The following RHOBTB1 variants were observed in gnomAD, a reference collection of about 807,000 sequenced individuals.
RHOBTB1 encodes rho-related BTB domain-containing protein 1.
Under a neutral mutation model 71.6 loss-of-function variants are expected in RHOBTB1, and 40 were observed. The ratio of observed to expected loss-of-function variants is 0.56; its 90% CI spans 0.43 to 0.73. RHOBTB1 has a LOEUF of 0.73. Ranked by LOEUF, RHOBTB1 falls within the 30% of genes least tolerant of loss-of-function variation. The pLI is 0.00. For missense variants in RHOBTB1, 797 were observed against 894.0 expected (o/e 0.89, Z 1.38); for synonymous variants, 319 against 334.9 (o/e 0.95, Z 0.52).
chr10:60,970,626 G>A lies in RHOBTB1; in HGVS notation c.-62+15219C>T, dbSNP rs555655764. Reference sequence around the variant, plus strand: ...TTTGGACAGTAGCATAATTATTTTCGCATTTATAGTAAGCACAATAGAAAC... The same window carrying A: ...TTTGGACAGTAGCATAATTATTTTCACATTTATAGTAAGCACAATAGAAAC... On this transcript the variant is annotated intron_variant, in intron 2 of 11. Coordinates refer to the RHOBTB1 transcript ENST00000357917. Among the ~76,000 whole-genome samples, 7 of 152,000 alleles carry A rather than the reference G, an allele frequency of 4.6e-5. No individual in the cohort carries two copies. In the East Asian group the frequency reaches 5.8e-4, roughly 13 times the overall value.
At chr10:60,983,810 A>G (rs946836910) in intron 2 of RHOBTB1, among the ~76,000 whole-genome samples, 12 of 152,204 alleles carry the variant, frequency 7.9e-5, no homozygotes, top group Admixed American at 2.0e-4. Context: ...GCTACACAGC[A>G]TGGACCCTGC....
chr10:60,964,894 T>C (rs554877889), intron 2 of RHOBTB1, among the ~76,000 whole-genome samples: 2 of 152,298 alleles, frequency 1.3e-5, no homozygotes, highest in African/African-American at 2.4e-5. Context: ...TAATATCTAA[T>C]GTAATCCTAC....
intron 1 of RHOBTB1, among the ~76,000 whole-genome samples, chr10:60,992,377 A>C (rs1407071138): frequency 6.6e-6 from 1 of 152,224 alleles, no homozygotes. Flanking sequence ...TCGCTACTGT[A>C]TATATTGAAT....
Position 60,875,013 on chromosome 10 carries a change from C to T in RHOBTB1, c.1756G>A (p.Ala586Thr), listed in dbSNP as rs2080980077. Residue 586 changes from alanine (A) to threonine (T), a missense_variant, in exon 9 of 11, where the codon GCC (alanine) becomes ACC (threonine). Coordinates refer to ENST00000337910, the MANE Select transcript of RHOBTB1 (RefSeq NM_014836.5). ...TCAATGCCCACGCCACTCGTGGCGGCTTTGGTCAACTCCTGAACGGCATGC... is the reference window on the plus strand; with the variant it reads ...TCAATGCCCACGCCACTCGTGGCGGTTTTGGTCAACTCCTGAACGGCATGC... The part of the protein sequence containing the change: ...EQHAVQELTK[A>T]ATSGVGIDGE... The T allele has an allele frequency of 6.2e-7, 1 of 1,613,936 alleles. No homozygotes were observed. Among genetic ancestry groups the T allele is most frequent in the Non-Finnish European group, 8.5e-7 (1 of 1,179,940 alleles).
chr10:60,904,911 TA>T (rs2082588358), intron 4 of RHOBTB1, among the ~76,000 whole-genome samples: 1 of 152,216 alleles, frequency 6.6e-6, no homozygotes, highest in Non-Finnish European at 1.5e-5. Context: ...TGAATGTCTT[TA>T]AGACACAACC....
chr10:60,933,834 C>T (rs971231055), intron 2 of RHOBTB1, among the ~76,000 whole-genome samples: 1 of 151,832 alleles, frequency 6.6e-6, no homozygotes, highest in African/African-American at 2.4e-5. Flanking sequence ...TAGGAGTACA[C>T]TCATTGTTAT....
At chr10:60,900,774 A>G (rs2133077215) in intron 4 of RHOBTB1, among the ~76,000 whole-genome samples, 1 of 152,368 alleles carries the variant, frequency 6.6e-6, no homozygotes, top group East Asian at 1.9e-4. Context: ...GAATGAAAAT[A>G]TAATGTGAGC....
chr10:60,904,011 A>G (rs977479732), intron 4 of RHOBTB1, among the ~76,000 whole-genome samples: 10 of 151,278 alleles, frequency 6.6e-5, no homozygotes, highest in Non-Finnish European at 1.2e-4. Context: ...TTCCCAGGCT[A>G]TAGTACAGTT....
chr10:60,960,084 A>G (rs2085727058), intron 2 of RHOBTB1, among the ~76,000 whole-genome samples: 1 of 152,170 alleles, frequency 6.6e-6, no homozygotes, highest in South Asian at 2.1e-4. Context: ...TATCCTGCCT[A>G]TCATCACAGG....
At chr10:60,911,104 A>G in intron 3 of RHOBTB1, 114 bp from the exon 4 acceptor site, 1 of 845,510 alleles carries the variant, frequency 1.2e-6, no homozygotes, top group Non-Finnish European at 1.9e-6. Context: ...AAGTTTCCTT[A>G]TTCTATCTGA....
chr10:60,919,963 A>T (rs1589301451), intron 2 of RHOBTB1, among the ~76,000 whole-genome samples: 1 of 152,206 alleles, frequency 6.6e-6, no homozygotes, highest in South Asian at 2.1e-4. Context: ...CAAAAATTTA[A>T]AAGATGCATG....
At chr10:60,944,837 C>G (rs764500839), upstream of RHOBTB1, among the ~76,000 whole-genome samples, 3 of 152,320 alleles carry the variant, frequency 2.0e-5, no homozygotes, top group African/African-American at 7.2e-5. Context: ...TCCTCCGCGA[C>G]TTGGCGGGAG....
At chr10:60,981,125 A>T (rs1482334184) in intron 2 of RHOBTB1, among the ~76,000 whole-genome samples, 1 of 152,096 alleles carries the variant, frequency 6.6e-6, no homozygotes, top group Non-Finnish European at 1.5e-5. Context: ...TTTTGAAATG[A>T]GTCTAAGATT....
At chr10:60,947,320 T>C (rs569306127), upstream of RHOBTB1, among the ~76,000 whole-genome samples, 1 of 152,324 alleles carries the variant, frequency 6.6e-6, no homozygotes, top group East Asian at 1.9e-4. Flanking sequence ...TAAACACTTT[T>C]CATGTTTCTG....
intron 2 of RHOBTB1, among the ~76,000 whole-genome samples, chr10:60,935,212 A>C (rs1180991909): frequency 6.6e-6 from 1 of 152,228 alleles, no homozygotes; most frequent in African/African-American, 2.4e-5. Context: ...CAAACATAAT[A>C]TTGAAGCCAG....
At chr10:60,861,728 A>C in the RHOBTB1 span, among the ~76,000 whole-genome samples, 1 of 152,204 alleles carries the variant, frequency 6.6e-6, no homozygotes, top group Non-Finnish European at 1.5e-5. Context: ...ATATAGAAAC[A>C]TCATTCACCC....
intron 2 of RHOBTB1, among the ~76,000 whole-genome samples, chr10:60,931,768 T>TA (rs964721918): frequency 6.6e-5 from 10 of 151,900 alleles, no homozygotes; most frequent in South Asian, 2.1e-4. Context: ...AGCTCTCACA[T>TA]AAAAAAAACC....
intron 2 of RHOBTB1, among the ~76,000 whole-genome samples, chr10:60,953,627 T>C (rs943622877): frequency 2.6e-5 from 4 of 152,344 alleles, no homozygotes; most frequent in Admixed American, 2.0e-4. Flanking sequence ...ATAAGCATTA[T>C]CATTTACACT....
At chr10:60,962,155 G>A (rs1261508732) in intron 2 of RHOBTB1, among the ~76,000 whole-genome samples, 1 of 151,904 alleles carries the variant, frequency 6.6e-6, no homozygotes. Context: ...TGATAGGATC[G>A]TTGTAAGTGG....
Sources: allele counts gnomAD v4.1 joint callset (sites outside exome capture counted in the v4.1 genomes callset), GRCh38; gene constraint gnomAD v4.1.1; transcripts MANE v1.5; gene names NCBI Gene and HGNC (gene_info 2026-07-23, HGNC 2026-07-21).